Variants in NCALD observed in about 807,000 individuals in gnomAD.
NCALD encodes neurocalcin delta, also known as neurocalcin-delta.
NCALD carries 10 observed loss-of-function variants against 18.6 expected under a neutral mutation model. The observed-to-expected ratio is 0.54, with a 90% CI of 0.33 to 0.91. The LOEUF (loss-of-function observed/expected upper bound fraction) is 0.91, where lower values mean the gene tolerates loss of function less well. NCALD is among the 40% of genes least tolerant of loss of function. The pLI, the probability that NCALD is intolerant of heterozygous loss-of-function variation, is 0.03. For synonymous variants in NCALD, 88 were observed against 87.4 expected (o/e 1.01, Z -0.04); for missense variants, 184 against 247.6 (o/e 0.74, Z 1.72).
chr8:102,106,488 C>G (rs1408572903), intron 1 of NCALD, among the ~76,000 whole-genome samples: 1 of 150,588 alleles, frequency 6.6e-6, no homozygotes, highest in Non-Finnish European at 1.5e-5. Flanking sequence ...CACACACACA[C>G]ACATATACTA....
intron 2 of NCALD, among the ~76,000 whole-genome samples, chr8:102,018,493 A>G (rs562956012): frequency 1.3e-5 from 2 of 152,334 alleles, no homozygotes; most frequent in South Asian, 4.1e-4. Flanking sequence ...AATCTGAAAC[A>G]AAGGCCACGT....
chr8:101,830,536 G>A (rs548868120), intron 4 of NCALD, among the ~76,000 whole-genome samples: 140 of 145,238 alleles, frequency 9.6e-4, no homozygotes, highest in African/African-American at 2.7e-3. Context: ...GTGACAGAGC[G>A]AGACTCCGTC....
intron 2 of NCALD, among the ~76,000 whole-genome samples, chr8:101,713,381 G>A (rs1042231240): frequency 1.3e-4 from 19 of 151,804 alleles, no homozygotes; most frequent in African/African-American, 4.6e-4. Flanking sequence ...AGAAGGAAGA[G>A]CAAACAAATT....
chr8:101,859,631 T>C (rs1435352878), intron 4 of NCALD, among the ~76,000 whole-genome samples: 1 of 152,120 alleles, frequency 6.6e-6, no homozygotes, highest in Non-Finnish European at 1.5e-5. Flanking sequence ...TTTTTAAGTT[T>C]AATAAAGAAT....
At chr8:101,783,329 C>T (rs1812092082) in intron 1 of NCALD, among the ~76,000 whole-genome samples, 1 of 152,126 alleles carries the variant, frequency 6.6e-6, no homozygotes, top group Non-Finnish European at 1.5e-5. Flanking sequence ...GACACAAGGA[C>T]CACATTTCTG....
intron 2 of NCALD, among the ~76,000 whole-genome samples, chr8:102,005,562 A>G (rs1821668884): frequency 1.3e-5 from 2 of 152,208 alleles, no homozygotes; most frequent in South Asian, 2.1e-4. Context: ...ATGCTGCTAT[A>G]AAGACATATG....
rs149388929 is a variant in NCALD, at chr8:101,877,096, C to T, written c.-20+10045G>A. Among the ~76,000 whole-genome samples, 10 of 152,300 alleles carry T rather than the reference C, an allele frequency of 6.6e-5. No individual in the cohort carries two copies. In the East Asian group the frequency reaches 1.9e-3, roughly 29 times the overall value. ...ATAACATTCTTTCCCTGAAATGTCT[C>T]CTCTCAGCTATTGTATATGTAGCAA... On this transcript the variant is annotated intron_variant, in intron 4 of 6. Transcript: ENST00000311028.
chr8:101,849,748 C>T (rs1815015935), intron 4 of NCALD, among the ~76,000 whole-genome samples: 1 of 152,108 alleles, frequency 6.6e-6, no homozygotes, highest in Non-Finnish European at 1.5e-5. Context: ...AACAGAATTA[C>T]GAGCAAGCAG....
At chr8:101,922,631 C>T (rs1056752683) in intron 2 of NCALD, among the ~76,000 whole-genome samples, 21 of 152,132 alleles carry the variant, frequency 1.4e-4, no homozygotes, top group Admixed American at 5.2e-4. Flanking sequence ...ATTTTTGTGT[C>T]TTTACAGAAT....
chr8:102,124,088 A>G (rs1424365520), intron 1 of NCALD: 1 of 152,150 alleles, frequency 6.6e-6, no homozygotes, highest in Non-Finnish European at 1.5e-5. Context: ...AGGTTCCCAG[A>G]ACCGCGCGCT....
chr8:101,735,765 CCA>C (rs1387019738), intron 1 of NCALD, among the ~76,000 whole-genome samples: 1 of 152,198 alleles, frequency 6.6e-6, no homozygotes, highest in African/African-American at 2.4e-5. Context: ...GTTTATATTT[CCA>C]CAGTCTAAGG....
intron 4 of NCALD, among the ~76,000 whole-genome samples, chr8:101,871,380 G>T (rs932100201): frequency 6.6e-6 from 1 of 152,074 alleles, no homozygotes; most frequent in African/African-American, 2.4e-5. Context: ...AGCTGACTTG[G>T]CTCCTAACAT....
chr8:102,021,394 G>A (rs1433088306), intron 1 of NCALD, among the ~76,000 whole-genome samples: 1 of 152,104 alleles, frequency 6.6e-6, no homozygotes, highest in Non-Finnish European at 1.5e-5. Flanking sequence ...GAAAGAAATG[G>A]CACATTATAG....
intron 3 of NCALD, among the ~76,000 whole-genome samples, chr8:101,911,440 C>T (rs950367949): frequency 2.0e-5 from 3 of 151,156 alleles, no homozygotes; most frequent in African/African-American, 7.3e-5. Context: ...TCACTGCAAC[C>T]TCTGCCTCCT....
At chr8:101,896,462 C>G (rs1394556183) in intron 3 of NCALD, among the ~76,000 whole-genome samples, 7 of 151,996 alleles carry the variant, frequency 4.6e-5, no homozygotes, top group Non-Finnish European at 1.0e-4. Context: ...TGGGCAAGGA[C>G]TTCATGTCTA....
chr8:101,758,310 C>G (rs538272250), intron 1 of NCALD, among the ~76,000 whole-genome samples: 18 of 152,160 alleles, frequency 1.2e-4, no homozygotes, highest in Non-Finnish European at 2.1e-4. Context: ...CAGCTCTCCC[C>G]CTCCATAGGC....
At chr8:102,055,289 T>C (rs1823613413) in intron 1 of NCALD, among the ~76,000 whole-genome samples, 1 of 148,180 alleles carries the variant, frequency 6.7e-6, no homozygotes, top group Non-Finnish European at 1.5e-5. Flanking sequence ...GGTGGGGCCA[T>C]GCCTAGTACT....
Position 101,801,643 on chromosome 8 carries a change from C to CTTTTTCT in NCALD, c.-19-81996_-19-81995insAGAAAAA, listed in dbSNP as rs1563783000. 3.4e-4 allele frequency among the ~76,000 whole-genome samples: 15 copies of CTTTTTCT among 44,176 alleles called. 2 individuals are homozygous for CTTTTTCT. Among genetic ancestry groups the CTTTTTCT allele is most frequent in the Middle Eastern group, 0.019 (1 of 54 alleles). The allele number at this position is 44,176 out of a possible 152,430, so 29.0% of individuals were successfully genotyped here. On this transcript the variant is annotated intron_variant, in intron 4 of 6. Coordinates refer to the NCALD transcript ENST00000311028. ...TCTCTATGATTTACAAGCACACTTA[C>CTTTTTCT]TTTTTTTTTTTTTTTTTTTTTTTTT...
chr8:101,972,153 G>C (rs144812942), intron 2 of NCALD, among the ~76,000 whole-genome samples: 1 of 152,226 alleles, frequency 6.6e-6, no homozygotes, highest in African/African-American at 2.4e-5. Context: ...AGAAAGCACT[G>C]GCAAAAAGTA....
Sources: allele counts gnomAD v4.1 joint callset (sites outside exome capture counted in the v4.1 genomes callset), GRCh38; gene constraint gnomAD v4.1.1; transcripts MANE v1.5; gene names NCBI Gene and HGNC (gene_info 2026-07-23, HGNC 2026-07-21).